The following CDH19 variants were observed in gnomAD, a reference collection of about 807,000 sequenced individuals.
The protein encoded by CDH19 is cadherin-19.
Under a neutral mutation model 64.2 loss-of-function variants are expected in CDH19, and 67 were observed. The observed-to-expected ratio is 1.04, with a 90% CI of 0.86 to 1.28. The LOEUF is 1.28. Ranked by LOEUF, CDH19 falls within the 50% of genes most tolerant of loss-of-function variation. The pLI, the probability that CDH19 is intolerant of heterozygous loss-of-function variation, is 0.00. For synonymous variants in CDH19, 346 were observed against 319.3 expected (o/e 1.08, Z -0.89); for missense variants, 1,030 against 929.0 (o/e 1.11, Z -1.41).
At chr18:66,536,327 A>C (rs925072053) in intron 7 of CDH19, among the ~76,000 whole-genome samples, 2 of 151,876 alleles carry the variant, frequency 1.3e-5, no homozygotes, top group Non-Finnish European at 3.0e-5. Flanking sequence ...AATAGAAATC[A>C]CGAGGAATTA....
intron 9 of CDH19, among the ~76,000 whole-genome samples, chr18:66,520,341 GT>G (rs368834150): frequency 0.15 from 20,323 of 132,794 alleles, 1,252 homozygotes; most frequent in Admixed American, 0.18. Flanking sequence ...GAAAATAGCT[GT>G]TTTTTTTTTT....
Position 66,504,767 on chromosome 18 carries a change from T to G in CDH19, c.*45A>C, listed in dbSNP as rs772928814. On this transcript the variant is annotated 3_prime_UTR_variant, in exon 12 of 12. Transcript: ENST00000262150. ...AAACTCTTTAAGACTACCATTGGGT[T>G]CGAATACACATTAGCACTTTTAAAA... The G allele has an allele frequency of 1.7e-5, 26 of 1,541,662 alleles. No homozygotes were observed. Among genetic ancestry groups the G allele is most frequent in the Non-Finnish European group, 2.2e-5 (25 of 1,141,268 alleles).
At chr18:66,551,561 T>C (rs1987345587) in intron 4 of CDH19, among the ~76,000 whole-genome samples, 1 of 151,992 alleles carries the variant, frequency 6.6e-6, no homozygotes, top group Admixed American at 6.6e-5. Flanking sequence ...CTGCTATCTC[T>C]TCTAACATAA....
chr18:66,535,723 T>C (rs1449163657), intron 7 of CDH19, among the ~76,000 whole-genome samples: 1 of 147,104 alleles, frequency 6.8e-6, no homozygotes, highest in Non-Finnish European at 1.5e-5. Flanking sequence ...ATTTGTAATA[T>C]TTAATACATA....
intron 1 of CDH19, among the ~76,000 whole-genome samples, chr18:66,598,631 A>T (rs1241511426): frequency 6.6e-6 from 1 of 152,146 alleles, no homozygotes; most frequent in Non-Finnish European, 1.5e-5. Context: ...AAAACTTAAC[A>T]TTGAGTACAC....
At chr18:66,592,088 C>T (rs1227305070) in intron 1 of CDH19, among the ~76,000 whole-genome samples, 1 of 151,844 alleles carries the variant, frequency 6.6e-6, no homozygotes, top group Non-Finnish European at 1.5e-5. Flanking sequence ...ATGTTTCCTT[C>T]AGCTAACCTC....
Position 66,505,223 on chromosome 18 carries a change from C to G in CDH19, c.1908G>C (p.Glu636Asp), listed in dbSNP as rs1365141706. 1 of 1,608,118 alleles carries G rather than the reference C, an allele frequency of 6.2e-7. No homozygotes were observed. The highest frequency in any genetic ancestry group is 8.5e-7 in the Non-Finnish European group (1 of 1,178,144). Residue 636 changes from glutamate (E) to aspartate (D), a missense_variant, in exon 12 of 12, where the codon GAG becomes GAC. Physicochemically the swap from Glu to Asp is conservative, Grantham distance 45 (BLOSUM62 2). Coordinates refer to ENST00000262150, the MANE Select transcript of CDH19 (RefSeq NM_021153.4). ...LFPEKSEDFRENIFQYDDEGG... is the reference protein window; with the variant it reads ...LFPEKSEDFRDNIFQYDDEGG... The stretch of plus-strand genomic sequence containing the variant: ...CTTCATCATCATATTGGAATATATT[C>G]TCTCTGAAATCTTCACTTTTCTCAG...
intron 1 of CDH19, among the ~76,000 whole-genome samples, chr18:66,595,695 C>G (rs572792903): frequency 6.6e-6 from 1 of 152,050 alleles, no homozygotes; most frequent in South Asian, 2.1e-4. Flanking sequence ...AAAGGAAAAG[C>G]CTTGGACTAG....
At chr18:66,565,647 A>G (rs371426888) in intron 3 of CDH19, among the ~76,000 whole-genome samples, 2 of 152,012 alleles carry the variant, frequency 1.3e-5, no homozygotes, top group East Asian at 3.9e-4. Flanking sequence ...ATTGAGGAAA[A>G]AAGATAAATC....
At chr18:66,511,739 C>T (rs891818623) in intron 9 of CDH19, 54 bp from the exon 10 acceptor site, 4 of 804,792 alleles carry the variant, frequency 5.0e-6, no homozygotes, top group African/African-American at 3.5e-5. Context: ...GGAAGAAGAT[C>T]ACTGCTGCTA....
chr18:66,555,518 T>C (rs866745265), intron 3 of CDH19, among the ~76,000 whole-genome samples: 1 of 151,784 alleles, frequency 6.6e-6, no homozygotes, highest in Non-Finnish European at 1.5e-5. Flanking sequence ...TATAATGCTA[T>C]TTAACATTTG....
chr18:66,598,106 T>C (rs1336249372), intron 1 of CDH19, among the ~76,000 whole-genome samples: 1 of 152,078 alleles, frequency 6.6e-6, no homozygotes, highest in Non-Finnish European at 1.5e-5. Context: ...TGATATACCA[T>C]CTCACGCCAG....
chr18:66,535,183 A>G, intron 7 of CDH19, 76 bp from the exon 8 acceptor site: 1 of 875,012 alleles, frequency 1.1e-6, no homozygotes, highest in African/African-American at 1.7e-5. Flanking sequence ...TCTTTAAGCA[A>G]TAAGACATCT....
In CDH19 at chr18:66,569,324, G is replaced by C. The variant is rs567709926; in HGVS notation, c.196-614C>G. On this transcript the variant is annotated intron_variant, in intron 2 of 11. Transcript: ENST00000262150. ...TATTGATATGATCAATTTTTCTATA[G>C]AGAAGAAAAGTGAGATTTTGTTTTA... Among the ~76,000 whole-genome samples, 10 of 151,468 alleles carry C rather than the reference G, an allele frequency of 6.6e-5. 1 individual carries two copies. In the South Asian group the frequency reaches 1.0e-3, roughly 16 times the overall value.
Position 66,582,639 on chromosome 18 carries a change from C to CAAAAAAAA in CDH19, c.-112-10331_-112-10324dup, listed in dbSNP as rs11410904. On this transcript the variant is annotated intron_variant, in intron 1 of 11. Transcript: ENST00000262150. The stretch of plus-strand genomic sequence containing the variant: ...ATATAATTTGCATACTTACTGTCAC[C>CAAAAAAAA]AAAAAAAAAAAAAAAAAAAAAAAGC... Among the ~76,000 whole-genome samples, 8 of 72,894 alleles carry CAAAAAAAA rather than the reference C, an allele frequency of 1.1e-4. 3 individuals carry two copies. Among genetic ancestry groups the CAAAAAAAA allele is most frequent in the South Asian group, 6.9e-4 (1 of 1,442 alleles). The allele number at this position is 72,894 out of a possible 152,430, so 47.8% of individuals were successfully genotyped here. A position where few individuals can be genotyped will look rare whatever the true frequency, so the allele number is the denominator to read the frequency against.
intron 5 of CDH19, among the ~76,000 whole-genome samples, chr18:66,545,907 T>C (rs546499091): frequency 6.6e-6 from 1 of 151,894 alleles, no homozygotes; most frequent in Non-Finnish European, 1.5e-5. Context: ...TAATTGCAGA[T>C]GTATTTAAAA....
intron 8 of CDH19, among the ~76,000 whole-genome samples, chr18:66,534,518 C>A (rs1020614319): frequency 1.3e-5 from 2 of 151,886 alleles, no homozygotes; most frequent in East Asian, 1.9e-4. Context: ...TAATACTTTA[C>A]AATTCTAAAT....
chr18:66,521,218 T>C (rs1249715492), intron 9 of CDH19, among the ~76,000 whole-genome samples: 1 of 152,140 alleles, frequency 6.6e-6, no homozygotes, highest in African/African-American at 2.4e-5. Context: ...TTTCTATGAA[T>C]GCATATTGTG....
intron 11 of CDH19, among the ~76,000 whole-genome samples, chr18:66,508,399 GT>G (rs202079200): frequency 4.6e-4 from 68 of 147,512 alleles, no homozygotes; most frequent in African/African-American, 1.1e-3. Context: ...TTACTGCGCT[GT>G]TTTTTTTTTT....
Sources: allele counts gnomAD v4.1 joint callset (sites outside exome capture counted in the v4.1 genomes callset), GRCh38; gene constraint gnomAD v4.1.1; transcripts MANE v1.5; gene names NCBI Gene and HGNC (gene_info 2026-07-23, HGNC 2026-07-21).